Variants in RTCA observed in about 807,000 individuals in gnomAD.
The protein encoded by RTCA is RNA 3'-terminal phosphate cyclase.
A neutral mutation model predicts 46.1 loss-of-function variants in RTCA; 37 were observed. The observed-to-expected ratio is 0.80, with a 90% confidence interval of 0.62 to 1.06. RTCA has a LOEUF of 1.06. Ranked by LOEUF, RTCA falls within the 50% of genes least tolerant of loss-of-function variation. The pLI is 0.00. For synonymous variants in RTCA, 164 were observed against 158.3 expected (o/e 1.04, Z -0.27); for missense variants, 435 against 455.5 (o/e 0.95, Z 0.41).
At chr1:100,286,454 C>CAAAAA (rs754851046) in intron 9 of RTCA, among the ~76,000 whole-genome samples, 3 of 45,304 alleles carry the variant, frequency 6.6e-5, no homozygotes, top group Non-Finnish European at 9.0e-5. Flanking sequence ...GACTCCGTCT[C>CAAAAA]AAAAAAAAAA....
chr1:100,285,258 C>T lies in RTCA; in HGVS notation c.830C>T (p.Ala277Val). The stretch of plus-strand genomic sequence containing the variant: ...AATGCAGACAAAGTTGGAATTGAAG[C>T]TGCCGAAATGCTATTAGCAAATCTT... ...GVNADKVGIEAAEMLLANLRH... is the reference protein window; with the variant it reads ...GVNADKVGIEVAEMLLANLRH... Residue 277 changes from alanine to valine, a missense_variant, in exon 9 of 11, where the codon GCT becomes GTT. Physicochemically the swap from Ala to Val is moderately conservative, Grantham distance 64 (BLOSUM62 0). Coordinates refer to ENST00000370128, the MANE Select transcript of RTCA (RefSeq NM_003729.4). 2 of 1,613,624 alleles carry T rather than the reference C, an allele frequency of 1.2e-6. No homozygotes were observed. Among genetic ancestry groups the T allele is most frequent in the East Asian group, 2.2e-5 (1 of 44,810 alleles).
intron 9 of RTCA, 102 bp from the exon 10 acceptor site, chr1:100,286,997 C>A: frequency 1.3e-6 from 1 of 751,002 alleles, no homozygotes; most frequent in Non-Finnish European, 2.0e-6. Context: ...TCTGTTTTAG[C>A]AATTTTTATT....
intron 6 of RTCA, among the ~76,000 whole-genome samples, chr1:100,275,396 A>G (rs1666317258): frequency 6.7e-6 from 1 of 149,428 alleles, no homozygotes; most frequent in Admixed American, 6.6e-5. Flanking sequence ...GATGAAATAT[A>G]TGTATTAATG....
intron 4 of RTCA, 76 bp downstream of exon 4, chr1:100,270,756 G>T (rs913485190): frequency 8.3e-5 from 126 of 1,511,768 alleles, no homozygotes; most frequent in Admixed American, 2.4e-4. Flanking sequence ...AATATATCCT[G>T]AGTGTTTTTT....
intron 3 of RTCA, 109 bp downstream of exon 3, chr1:100,268,404 T>G: frequency 2.3e-6 from 1 of 433,146 alleles, no homozygotes; most frequent in South Asian, 4.9e-5. Flanking sequence ...TACTTTTATG[T>G]TTTTTTTTTT....
Position 100,266,429 on chromosome 1 carries a change from A to G in RTCA, c.45+9A>G. ...GCAGCATCATGGAAGGGGTGAGTAC[A>G]GAGCGAAGCGGCCGGGGCTGCAGCC... On this transcript the variant is annotated intron_variant, in intron 1 of 10. Transcript: ENST00000370128. The G allele has an allele frequency of 2.5e-6, 4 of 1,610,722 alleles. No homozygotes were observed. The highest frequency in any genetic ancestry group is 1.1e-5 in the South Asian group (1 of 90,930).
intron 8 of RTCA, chr1:100,281,380 A>G: frequency 3.9e-6 from 2 of 510,802 alleles, no homozygotes; most frequent in South Asian, 2.9e-5. Context: ...TCCTGTCATT[A>G]TCATGCATAG....
intron 8 of RTCA, among the ~76,000 whole-genome samples, chr1:100,282,339 A>G (rs1420721903): frequency 6.6e-6 from 1 of 152,182 alleles, no homozygotes. Flanking sequence ...TTCTAGTACT[A>G]CAAAGCCGGA....
chr1:100,281,376 C>G (rs1666697314), intron 8 of RTCA: 4 of 509,368 alleles, frequency 7.9e-6, no homozygotes, highest in African/African-American at 2.0e-5. Context: ...CATGTCCTGT[C>G]ATTATCATGC....
chr1:100,287,224 G>C, intron 10 of RTCA, 21 bp downstream of exon 10: 1 of 1,492,764 alleles, frequency 6.7e-7, no homozygotes, highest in Non-Finnish European at 9.0e-7. Context: ...TATCAGAAAG[G>C]GAAATTGATA....
rs189620389 is a variant in RTCA at position 100,289,631 on chromosome 1, G to C, written c.1000-1772G>C. Among the ~76,000 whole-genome samples, 137 of 152,246 alleles carry C rather than the reference G, an allele frequency of 9.0e-4. 1 individual carries two copies. Among genetic ancestry groups the C allele is most frequent in the Admixed American group, 3.5e-3 (54 of 15,296 alleles). On this transcript the variant is annotated intron_variant, in intron 10 of 10. Transcript: ENST00000370128. ...ACTTGTCTGTCTCTCCTTATAGATT[G>C]ATCTCCTTAATAGCAGAGATCAGGT...
At chr1:100,289,950 A>G (rs1016524198) in intron 10 of RTCA, among the ~76,000 whole-genome samples, 1 of 152,246 alleles carries the variant, frequency 6.6e-6, no homozygotes, top group Non-Finnish European at 1.5e-5. Context: ...AATGATTTTC[A>G]TAGCTGCTAC....
chr1:100,282,828 T>C (rs1233852564), intron 8 of RTCA, among the ~76,000 whole-genome samples: 1 of 152,220 alleles, frequency 6.6e-6, no homozygotes, highest in Non-Finnish European at 1.5e-5. Flanking sequence ...TTTATTGAGA[T>C]GGGAGTCTTA....
chr1:100,271,065 A>G (rs1666066709), intron 4 of RTCA, among the ~76,000 whole-genome samples: 1 of 151,398 alleles, frequency 6.6e-6, no homozygotes, highest in Admixed American at 6.6e-5. Flanking sequence ...AAATGTGTCT[A>G]TTGCAGTAGG....
At chr1:100,267,479 C>G (rs1043120627) in intron 2 of RTCA, 1 of 1,523,522 alleles carries the variant, frequency 6.6e-7, no homozygotes, top group East Asian at 2.5e-5. Context: ...GCTTAAACAA[C>G]AGAAATTTAT....
chr1:100,270,982 T>G (rs957729490), intron 4 of RTCA, among the ~76,000 whole-genome samples: 2 of 151,292 alleles, frequency 1.3e-5, no homozygotes, highest in African/African-American at 4.9e-5. Context: ...TTTTGTAGAG[T>G]CGATGCCTCA....
At position 100,273,928 on chromosome 1, in the gene RTCA, C is replaced by G. The variant is rs1666235311; in HGVS notation, c.473+476C>G. Among the ~76,000 whole-genome samples the G allele has an allele frequency of 2.0e-5, 3 of 152,226 alleles. No individual in the cohort carries two copies. The South Asian group carries it at 6.2e-4, about 31-fold the overall frequency. ...GTGTGGCATTTAAGTGCTTTGAAGT[C>G]TTGCCCTAACTTTTCTAACTTCTTC... On this transcript the variant is annotated intron_variant, in intron 5 of 10. Transcript: ENST00000370128.
chr1:100,286,439 A>G (rs1265877084), intron 9 of RTCA, among the ~76,000 whole-genome samples: 2 of 138,188 alleles, frequency 1.4e-5, no homozygotes, highest in Non-Finnish European at 3.1e-5. Flanking sequence ...TGGGTGGCAG[A>G]GCAAGACTCC....
At chr1:100,267,081 C>A in intron 2 of RTCA, 1 of 215,724 alleles carries the variant, frequency 4.6e-6, no homozygotes, top group Non-Finnish European at 9.2e-6. Flanking sequence ...TCATTCATAC[C>A]TCCAGAGAGC....
Sources: gnomAD v4.1 joint callset for allele counts (sites outside exome capture counted in the v4.1 genomes callset) on GRCh38, gnomAD v4.1.1 for gene constraint, MANE v1.5 for transcripts, NCBI Gene and HGNC (gene_info 2026-07-23, HGNC 2026-07-21) for gene names.